PCDH15: variants seen among roughly 807,000 people sequenced by gnomAD.
PCDH15 encodes protocadherin related 15, also known as protocadherin-15.
A neutral mutation model predicts 178.5 loss-of-function variants in PCDH15; 129 were observed. That is an observed-to-expected ratio of 0.72 (90% CI 0.63 to 0.84). The LOEUF (loss-of-function observed/expected upper bound fraction) is 0.84. PCDH15 is among the 40% of genes least tolerant of loss of function. The pLI is 0.00. For synonymous variants in PCDH15, 800 were observed against 732.0 expected (o/e 1.09, Z -1.50); for missense variants, 2,230 against 2,099.9 (o/e 1.06, Z -1.21).
At chr10:54,220,920 T>C (rs1382989888) in intron 9 of PCDH15, among the ~76,000 whole-genome samples, 1 of 152,044 alleles carries the variant, frequency 6.6e-6, no homozygotes, top group Admixed American at 6.6e-5. Flanking sequence ...AAGTGAAATT[T>C]ATTTCCCTGC....
intron 2 of PCDH15, among the ~76,000 whole-genome samples, chr10:54,640,081 A>G (rs1199059557): frequency 6.6e-6 from 1 of 152,080 alleles, no homozygotes; most frequent in Non-Finnish European, 1.5e-5. Flanking sequence ...GCAACATAGC[A>G]AGACCCTGTC....
At chr10:54,252,859 T>C (rs2056601705) in intron 8 of PCDH15, among the ~76,000 whole-genome samples, 1 of 152,044 alleles carries the variant, frequency 6.6e-6, no homozygotes, top group Non-Finnish European at 1.5e-5. Flanking sequence ...TATAATTTCT[T>C]ATTATTCTAT....
At chr10:55,371,500 G>T (rs765334596) in intron 2 of PCDH15, among the ~76,000 whole-genome samples, 1 of 152,124 alleles carries the variant, frequency 6.6e-6, no homozygotes, top group African/African-American at 2.4e-5. Flanking sequence ...ACTGAGGGAA[G>T]TTGATTGGAT....
At chr10:54,732,369 T>C (rs929033532) in intron 1 of PCDH15, among the ~76,000 whole-genome samples, 3 of 151,278 alleles carry the variant, frequency 2.0e-5, no homozygotes, top group Non-Finnish European at 4.4e-5. Context: ...GACATCACTA[T>C]AGAACTTAAA....
intron 2 of PCDH15, among the ~76,000 whole-genome samples, chr10:54,553,230 C>T (rs950079539): frequency 3.3e-5 from 5 of 152,100 alleles, no homozygotes; most frequent in Non-Finnish European, 7.4e-5. Flanking sequence ...GAACTGTAAG[C>T]ACCACTGTGT....
chr10:53,873,620 A>G (rs1023144718), intron 26 of PCDH15, among the ~76,000 whole-genome samples: 20 of 152,228 alleles, frequency 1.3e-4, no homozygotes, highest in African/African-American at 4.8e-4. Flanking sequence ...CTGCAGTTTA[A>G]AAATAAAACA....
At chr10:55,428,112 T>G (rs1342361148) in intron 2 of PCDH15, among the ~76,000 whole-genome samples, 1 of 152,058 alleles carries the variant, frequency 6.6e-6, no homozygotes, top group Non-Finnish European at 1.5e-5. Context: ...AGAGATAATG[T>G]GTCTTTGAGT....
At chr10:55,462,829 C>A (rs1217743324) in intron 2 of PCDH15, among the ~76,000 whole-genome samples, 4 of 152,068 alleles carry the variant, frequency 2.6e-5, no homozygotes, top group Non-Finnish European at 4.4e-5. Context: ...ATATGTTATA[C>A]TAAATCCAAA....
At chr10:54,518,531 T>G (rs1279031075) in intron 3 of PCDH15, among the ~76,000 whole-genome samples, 1 of 152,100 alleles carries the variant, frequency 6.6e-6, no homozygotes, top group African/African-American at 2.4e-5. Context: ...AATCTCTGAA[T>G]AGACCAATAA....
rs77568236 is a variant in PCDH15, at chr10:55,221,781, G to T, written c.-155-55130C>A. 5.5e-3 allele frequency among the ~76,000 whole-genome samples: 841 copies of T among 151,932 alleles called. 17 individuals carry two copies. The highest frequency in any genetic ancestry group is 0.018 in the African/African-American group (730 of 41,388). On this transcript the variant is annotated intron_variant, in intron 1 of 5. Coordinates refer to the PCDH15 transcript ENST00000458638. Reference sequence around the variant, plus strand: ...CACACCATAGATATGGTAAAATGTAGAAAAACAATTAGAAATCAAGAAATC... The same window carrying T: ...CACACCATAGATATGGTAAAATGTATAAAAACAATTAGAAATCAAGAAATC...
intron 23 of PCDH15, among the ~76,000 whole-genome samples, chr10:53,952,981 G>C (rs898591229): frequency 3.3e-5 from 5 of 152,202 alleles, no homozygotes; most frequent in African/African-American, 1.2e-4. Context: ...TGCAGCAGGA[G>C]GGGGGCCCAG....
intron 3 of PCDH15, among the ~76,000 whole-genome samples, chr10:54,870,609 A>C (rs928100678): frequency 2.0e-5 from 3 of 151,500 alleles, no homozygotes; most frequent in Non-Finnish European, 2.9e-5. Context: ...CACGGTGAAA[A>C]CCCGTCTCTA....
chr10:55,563,709 T>C (rs1842246373), intron 2 of PCDH15, among the ~76,000 whole-genome samples: 1 of 143,088 alleles, frequency 7.0e-6, no homozygotes, highest in South Asian at 2.2e-4. Flanking sequence ...TATAATGGTG[T>C]CCAAAAAACT....
At chr10:54,027,363 G>A (rs1278886234) in intron 18 of PCDH15, among the ~76,000 whole-genome samples, 1 of 151,894 alleles carries the variant, frequency 6.6e-6, no homozygotes, top group Non-Finnish European at 1.5e-5. Context: ...TGGCCATACT[G>A]CCCAAAGTAA....
chr10:54,654,100 A>T (rs1181580868), intron 2 of PCDH15, among the ~76,000 whole-genome samples: 1 of 152,180 alleles, frequency 6.6e-6, no homozygotes, highest in African/African-American at 2.4e-5. Context: ...CTCTAACTGA[A>T]ATGTTATAAC....
intron 32 of PCDH15, chr10:53,825,008 T>C (rs2076581977): frequency 8.3e-7 from 1 of 1,205,358 alleles, no homozygotes; most frequent in Admixed American, 4.2e-5. Flanking sequence ...AAAACTTTCC[T>C]TTTAACAGTA....
In PCDH15 at chr10:54,487,957, G is replaced by A. The variant is rs893797936; in HGVS notation, c.157+39855C>T. Among the ~76,000 whole-genome samples the A allele has an allele frequency of 5.3e-5, 8 of 151,856 alleles. No homozygotes were observed. The East Asian group carries it at 7.7e-4, about 15-fold the overall frequency. ...TTTTTCTAAAATAAATCAAGGTCAC[G>A]TGATCAAAGTGAAGCTTTTGACAAA... On this transcript the variant is annotated intron_variant, in intron 3 of 37. Transcript: ENST00000644397.
chr10:55,561,151 T>C (rs1302790156), intron 2 of PCDH15, among the ~76,000 whole-genome samples: 1 of 151,812 alleles, frequency 6.6e-6, no homozygotes, highest in Non-Finnish European at 1.5e-5. Flanking sequence ...AAGAAATTAA[T>C]CTTCAGAAAG....
At chr10:54,205,489 G>GTGTGTGTGTGTGTGTGTGTA (rs2050704928) in intron 10 of PCDH15, among the ~76,000 whole-genome samples, 1 of 150,338 alleles carries the variant, frequency 6.7e-6, no homozygotes, top group Admixed American at 6.7e-5. Flanking sequence ...CTTTGTGTGT[G>GTGTGTGTGTGTGTGTGTGTA]TGTGTGTGTG....
Sources: allele counts gnomAD v4.1 joint callset (sites outside exome capture counted in the v4.1 genomes callset), GRCh38; gene constraint gnomAD v4.1.1; transcripts MANE v1.5; gene names NCBI Gene and HGNC (gene_info 2026-07-23, HGNC 2026-07-21).